Variants in PIAS1 observed in about 807,000 individuals in gnomAD.
PIAS1 encodes the protein E3 SUMO-protein ligase PIAS1.
A neutral mutation model predicts 71.3 loss-of-function variants in PIAS1; 6 were observed. That is an observed-to-expected ratio of 0.08 (90% CI 0.05 to 0.17). The LOEUF (loss-of-function observed/expected upper bound fraction) is 0.17, where lower values mean the gene tolerates loss of function less well. Ranked by LOEUF, PIAS1 falls within the 10% of genes least tolerant of loss-of-function variation. The pLI is 1.00. For synonymous variants in PIAS1, 303 were observed against 292.9 expected (o/e 1.03, Z -0.35); for missense variants, 555 against 793.6 (o/e 0.70, Z 3.61).
At chr15:68,112,447 A>G (rs1239516835) in intron 2 of PIAS1, among the ~76,000 whole-genome samples, 1 of 152,080 alleles carries the variant, frequency 6.6e-6, no homozygotes, top group African/African-American at 2.4e-5. Context: ...CTTTCCAGGT[A>G]GGTTTTTGAC....
rs117911561 is a variant in PIAS1 at position 68,096,340 on chromosome 15, C to T, written c.469+9590C>T. 6.7e-3 allele frequency among the ~76,000 whole-genome samples: 1,010 copies of T among 151,754 alleles called. 6 individuals carry two copies. Among genetic ancestry groups the T allele is most frequent in the East Asian group, 0.035 (182 of 5,152 alleles). ...TTTTGATTACTGTAGCTTTGTAATA[C>T]GTTTTGAAATAAGGAAGTGTGAGGC... On this transcript the variant is annotated intron_variant, in intron 2 of 13. Coordinates refer to ENST00000249636, the MANE Select transcript of PIAS1 (RefSeq NM_016166.3).
rs1367173949 is a variant in PIAS1 at position 68,086,744 on chromosome 15, A to G, written c.463A>G (p.Ser155Gly). 6.3e-7 allele frequency: 1 copy of G among 1,596,082 alleles called. No individual in the cohort carries two copies. Among genetic ancestry groups the G allele is most frequent in the Admixed American group, 1.7e-5 (1 of 59,856 alleles). The change falls in exon 2 of 14, where the codon AGT becomes GGT. Residue 155 changes from serine (S) to glycine (G), a missense_variant. By Grantham distance (56) the Ser-to-Gly change is moderately conservative (BLOSUM62 0). Coordinates refer to ENST00000249636, the MANE Select transcript of PIAS1 (RefSeq NM_016166.3). This position sits in a 1 kb window ranked among gnomAD's most constrained non-coding sequence, Gnocchi z 7.2. ...ACTGGATGAACTGATAAAACCCACC[A>G]GTCTAGGTAAGATTATTGTATGATA... ...DLLDELIKPT[S>G]LASDNSQRFR...
At chr15:68,098,315 A>C (rs2092394255) in intron 2 of PIAS1, among the ~76,000 whole-genome samples, 1 of 152,230 alleles carries the variant, frequency 6.6e-6, no homozygotes, top group South Asian at 2.1e-4. Flanking sequence ...ACTGTTACTA[A>C]GAAAATCATA....
intron 1 of PIAS1, among the ~76,000 whole-genome samples, chr15:68,074,083 G>A (rs909019893): frequency 1.6e-4 from 24 of 152,134 alleles, no homozygotes; most frequent in Admixed American, 1.6e-3. Flanking sequence ...TTGAGTTGAT[G>A]ACTCTTGGGA....
intron 7 of PIAS1, among the ~76,000 whole-genome samples, chr15:68,159,973 TTAC>T (rs2092914012): frequency 6.6e-6 from 1 of 152,172 alleles, no homozygotes; most frequent in Non-Finnish European, 1.5e-5. Context: ...CTCCACATCC[TTAC>T]CAGCATATGG....
Position 68,175,204 on chromosome 15 carries a change from G to C in PIAS1, c.1170-433G>C, listed in dbSNP as rs181310535. Among the ~76,000 whole-genome samples the C allele has an allele frequency of 2.0e-5, 3 of 151,876 alleles. No homozygotes were observed. In the South Asian group the frequency reaches 6.2e-4, roughly 32 times the overall value. ...ATACATGTTTTTAAATGTCTGTCAC[G>C]GTATTTTATCAAAGAGATTTAACCT... On this transcript the variant is annotated intron_variant, in intron 9 of 13. Coordinates refer to ENST00000249636, the MANE Select transcript of PIAS1 (RefSeq NM_016166.3).
Position 68,135,615 on chromosome 15 carries a change from G to A in PIAS1, c.470-6331G>A, listed in dbSNP as rs1334421672. The stretch of plus-strand genomic sequence containing the variant: ...TCCCGGACGGGGTGGCTGGCCGGGC[G>A]GGGGGCTGACCCCCCCACCTCCCTC... On this transcript the variant is annotated intron_variant, in intron 2 of 13. Coordinates refer to ENST00000249636, the MANE Select transcript of PIAS1 (RefSeq NM_016166.3). Among the ~76,000 whole-genome samples, 3 of 67,942 alleles carry A rather than the reference G, an allele frequency of 4.4e-5. 1 individual carries two copies. The highest frequency in any genetic ancestry group is 8.7e-4 in the East Asian group (2 of 2,286). 44.6% of individuals were successfully genotyped at this position (67,942 alleles called of 152,430 possible).
intron 1 of PIAS1, among the ~76,000 whole-genome samples, chr15:68,085,329 T>C (rs753700580): frequency 1.8e-4 from 27 of 152,194 alleles, no homozygotes; most frequent in Non-Finnish European, 2.8e-4. Flanking sequence ...TTTCCACCAC[T>C]TTAAAATGGG....
intron 1 of PIAS1, chr15:68,057,491 G>A (rs1291496131): frequency 4.5e-6 from 2 of 442,968 alleles, no homozygotes; most frequent in Admixed American, 5.0e-5. Context: ...AAGAAGAGTG[G>A]GAGAGAAGAA....
intron 2 of PIAS1, among the ~76,000 whole-genome samples, chr15:68,100,183 C>T (rs1054750575): frequency 4.6e-5 from 7 of 151,774 alleles, no homozygotes; most frequent in African/African-American, 1.7e-4. Flanking sequence ...ATCCTGTGTA[C>T]TCTTAACCTA....
chr15:68,068,200 C>A (rs1049056345), intron 1 of PIAS1, among the ~76,000 whole-genome samples: 1 of 152,078 alleles, frequency 6.6e-6, no homozygotes, highest in African/African-American at 2.4e-5. Flanking sequence ...TGACAAAAAC[C>A]TGTGTCTACA....
chr15:68,064,965 G>A (rs1475207537), intron 1 of PIAS1, among the ~76,000 whole-genome samples: 1 of 152,018 alleles, frequency 6.6e-6, no homozygotes, highest in Non-Finnish European at 1.5e-5. Flanking sequence ...GGCTGGTCTC[G>A]AAGTCGGGGG....
chr15:68,174,521 C>A lies in PIAS1; in HGVS notation c.1169+629C>A, dbSNP rs2093010477. Among the ~76,000 whole-genome samples, 2 of 152,140 alleles carry A rather than the reference C, an allele frequency of 1.3e-5. No individual in the cohort carries two copies. Among genetic ancestry groups the A allele is most frequent in the South Asian group, 2.1e-4 (1 of 4,830 alleles). On this transcript the variant is annotated intron_variant, in intron 9 of 13. Coordinates refer to ENST00000249636, the MANE Select transcript of PIAS1 (RefSeq NM_016166.3). This position sits in a 1 kb window ranked among gnomAD's most constrained non-coding sequence, Gnocchi z 4.0. The stretch of plus-strand genomic sequence containing the variant: ...CAAAAACAAATTGTGAAAAGGAGGA[C>A]ATCTCCTTGATTTTTTTGGGGATGG...
intron 2 of PIAS1, among the ~76,000 whole-genome samples, chr15:68,092,205 G>A (rs2092337628): frequency 6.6e-6 from 1 of 151,096 alleles, no homozygotes; most frequent in South Asian, 2.1e-4. Context: ...AGATGGTCTC[G>A]CTGTATTGCC....
intron 11 of PIAS1, among the ~76,000 whole-genome samples, chr15:68,176,943 C>T (rs2093023425): frequency 6.6e-6 from 1 of 152,088 alleles, no homozygotes; most frequent in Non-Finnish European, 1.5e-5. Context: ...AAAATGCATA[C>T]ATTGCGCCCC....
At chr15:68,152,926 C>A (rs764271020) in intron 6 of PIAS1, among the ~76,000 whole-genome samples, 54 of 117,252 alleles carry the variant, frequency 4.6e-4, no homozygotes, top group Middle Eastern at 7.1e-3. Context: ...TGGTCCCCTT[C>A]TACCTCTGTC....
In PIAS1 at chr15:68,193,669, T is replaced by TCC. The variant is rs1298778696; in HGVS notation, c.*5834_*5835insCC. ...AGGTAAGAAGTGGGAATCCAGCTTG[T>TCC]GTGGGGGGGCTTTGAGGAGTGAAAT... On this transcript the variant is annotated 3_prime_UTR_variant, in exon 14 of 14. Coordinates refer to ENST00000249636, the MANE Select transcript of PIAS1 (RefSeq NM_016166.3). 4.5e-6 allele frequency: 1 copy of TCC among 223,352 alleles called. No homozygotes were observed. The highest frequency in any genetic ancestry group is 2.3e-5 in the African/African-American group (1 of 43,948). The allele number at this position is 223,352 out of a possible 1,614,324, so 13.8% of individuals were successfully genotyped here.
intron 2 of PIAS1, among the ~76,000 whole-genome samples, chr15:68,092,514 C>G (rs2092341009): frequency 6.6e-6 from 1 of 152,164 alleles, no homozygotes. Flanking sequence ...CAATGTTCTT[C>G]TACTTGATTA....
chr15:68,127,976 G>C (rs750205010), intron 2 of PIAS1, among the ~76,000 whole-genome samples: 1 of 152,054 alleles, frequency 6.6e-6, no homozygotes, highest in Non-Finnish European at 1.5e-5. Context: ...TGTCAGCCAG[G>C]CTGGTTTCGA....
Sources: allele counts gnomAD v4.1 joint callset (sites outside exome capture counted in the v4.1 genomes callset), GRCh38; gene constraint gnomAD v4.1.1; non-coding constraint Gnocchi (gnomAD v3.1); transcripts MANE v1.5; gene names NCBI Gene and HGNC (gene_info 2026-07-23, HGNC 2026-07-21).